The following ZNF185 variants were observed in gnomAD, a reference collection of about 807,000 sequenced individuals.
ZNF185 encodes the protein zinc finger protein 185.
A neutral mutation model predicts 58.6 loss-of-function variants in ZNF185; 56 were observed. The ratio of observed to expected loss-of-function variants is 0.95; its 90% CI spans 0.77 to 1.19. The LOEUF (loss-of-function observed/expected upper bound fraction) is 1.19, where lower values mean the gene tolerates loss of function less well. Among genes scored for constraint, ZNF185 ranks in the 50% most tolerant of loss-of-function variants. ZNF185 has a pLI of 0.00. For synonymous variants in ZNF185, 230 were observed against 215.9 expected (o/e 1.07, Z -0.57); for missense variants, 627 against 573.5 (o/e 1.09, Z -0.95).
At chrX:152,970,091 A>G (rs1390702907) in intron 21 of ZNF185, among the ~76,000 whole-genome samples, 2 of 110,933 alleles carry the variant, frequency 1.8e-5, no homozygotes, top group African/African-American at 6.6e-5. Context: ...AAGTGCTGCA[A>G]TGCAGAACAT....
chrX:152,961,807 TTTA>T (rs782620048), intron 17 of ZNF185, among the ~76,000 whole-genome samples: 17 of 112,067 alleles, frequency 1.5e-4, no homozygotes, highest in Non-Finnish European at 3.2e-4. Context: ...AGGAGGTGCT[TTTA>T]TTATGGAGAA....
exon 6 of ZNF185, chrX:152,918,130 T>C: frequency 8.4e-7 from 1 of 1,195,817 alleles, no homozygotes; most frequent in Non-Finnish European, 1.1e-6. Flanking sequence ...GGCTACAAGA[T>C]GACCACTGAG....
At position 152,937,012 on chromosome X, in the gene ZNF185, C is replaced by T. The variant is rs782408216; in HGVS notation, c.1122-1062C>T. Among the ~76,000 whole-genome samples, 46 of 112,056 alleles carry T rather than the reference C, an allele frequency of 4.1e-4. 1 individual carries two copies. The highest frequency in any genetic ancestry group is 1.4e-3 in the African/African-American group (43 of 30,828). On this transcript the variant is annotated intron_variant, in intron 14 of 22. Transcript: ENST00000449285. ...AAGCTGTGCATTCCCATGCTGTAAG[C>T]GTCTGCCCTGTTTCACCCACCAATC...
chrX:152,921,382 G>A (rs1393590833), intron 9 of ZNF185, among the ~76,000 whole-genome samples: 1 of 111,209 alleles, frequency 9.0e-6, no homozygotes, highest in Non-Finnish European at 1.9e-5. Flanking sequence ...AAACCCAAGA[G>A]AAGACAGCAT....
Position 152,918,125 on chromosome X carries a change from C to A in ZNF185, c.402C>A (p.Tyr134Ter). The A allele has an allele frequency of 8.4e-7, 1 of 1,196,231 alleles. No homozygotes were observed. The highest frequency in any genetic ancestry group is 1.1e-6 in the Non-Finnish European group (1 of 887,505). Residue 134 changes from tyrosine (Y) to a stop codon, truncating the protein, a stop_gained, in exon 6 of 23, where the codon TAC becomes TAA. Transcript: ENST00000449285. LOFTEE classifies it high-confidence loss of function. ...CTCCCCGCCCCTCCTCCTCTGGCTACAAGATGACCACTGAGGATTACAAGA... is the reference window on the plus strand; with the variant it reads ...CTCCCCGCCCCTCCTCCTCTGGCTAAAAGATGACCACTGAGGATTACAAGA...
At chrX:152,927,968 C>A (rs1216362199) in intron 11 of ZNF185, among the ~76,000 whole-genome samples, 2 of 112,883 alleles carry the variant, frequency 1.8e-5, no homozygotes, top group Non-Finnish European at 3.8e-5. Context: ...CATGGCCAAG[C>A]CTGCTGGGCG....
chrX:152,948,964 G>C (rs2048035510), intron 16 of ZNF185, among the ~76,000 whole-genome samples: 1 of 111,929 alleles, frequency 8.9e-6, no homozygotes, highest in Non-Finnish European at 1.9e-5. Context: ...CATCCTCCAT[G>C]TAAGAAATGA....
At chrX:152,939,542 G>C (rs1211237537) in intron 15 of ZNF185, among the ~76,000 whole-genome samples, 1 of 111,931 alleles carries the variant, frequency 8.9e-6, no homozygotes, top group African/African-American at 3.3e-5. Flanking sequence ...TCAAGACCCA[G>C]AATCAGTAAC....
exon 17 of ZNF185, chrX:152,959,734 C>G: frequency 8.3e-7 from 1 of 1,211,581 alleles, no homozygotes; most frequent in Non-Finnish European, 1.1e-6. Context: ...GATGTGGCCA[C>G]CAAGGTCGGA....
upstream of ZNF185, among the ~76,000 whole-genome samples, chrX:152,913,510 C>T (rs955784134): frequency 8.9e-6 from 1 of 112,561 alleles, no homozygotes; most frequent in Non-Finnish European, 1.9e-5. Flanking sequence ...TGAGCAGCAC[C>T]GGGCTCAGGG....
intron 14 of ZNF185, 136 bp from the exon 16 acceptor site, chrX:152,936,282 A>G: frequency 2.0e-6 from 1 of 497,224 alleles, no homozygotes; most frequent in Non-Finnish European, 3.3e-6. Flanking sequence ...AGATATAAAT[A>G]TTGTTCCTCA....
At chrX:152,955,580 A>G (rs2048736380) in intron 16 of ZNF185, among the ~76,000 whole-genome samples, 1 of 112,782 alleles carries the variant, frequency 8.9e-6, no homozygotes, top group Non-Finnish European at 1.9e-5. Context: ...AGCTCAGTAC[A>G]CAACAATGGC....
intron 15 of ZNF185, among the ~76,000 whole-genome samples, chrX:152,943,567 G>A (rs939367742): frequency 4.4e-5 from 5 of 112,706 alleles, no homozygotes; most frequent in African/African-American, 1.6e-4. Flanking sequence ...GTCCAGCAGA[G>A]CTTCCTGTGA....
chrX:152,903,217 C>T, the ZNF185 span, among the ~76,000 whole-genome samples: 6 of 107,892 alleles, frequency 5.6e-5, no homozygotes, highest in African/African-American at 2.0e-4. Context: ...GGTGAAACCC[C>T]GTCTCTATCA....
rs782143273 is a variant in ZNF185, at chrX:152,928,940, G to C, written c.917+279G>C. On this transcript the variant is annotated intron_variant, in intron 12 of 22. Coordinates refer to ENST00000449285, the Ensembl canonical transcript of ZNF185. ...TGGCTGGAATTGCCATCTGCCTGGT[G>C]GGGGAGGCAGACGCCGACATGAGCA... 1.3e-4 allele frequency among the ~76,000 whole-genome samples: 15 copies of C among 113,140 alleles called. No individual in the cohort carries two copies. The East Asian group carries it at 4.2e-3, about 32-fold the overall frequency.
chrX:152,961,338 C>T (rs2049446306), intron 17 of ZNF185, among the ~76,000 whole-genome samples: 1 of 112,253 alleles, frequency 8.9e-6, no homozygotes, highest in Admixed American at 9.4e-5. Context: ...TTGCATTCCT[C>T]AGCCTGGCTC....
At chrX:152,909,394 T>G in the ZNF185 span, among the ~76,000 whole-genome samples, 1 of 112,377 alleles carries the variant, frequency 8.9e-6, no homozygotes, top group African/African-American at 3.2e-5. Flanking sequence ...AGCAGGGAGT[T>G]GTCCTTGCCC....
intron 3 of ZNF185, among the ~76,000 whole-genome samples, chrX:152,916,117 A>T (rs1163005460): frequency 8.9e-6 from 1 of 111,783 alleles, no homozygotes; most frequent in Admixed American, 9.4e-5. Context: ...ACCCTAGTAA[A>T]CAGTTCAATA....
At chrX:152,934,048 G>T (rs1331482882) in intron 14 of ZNF185, among the ~76,000 whole-genome samples, 4 of 112,919 alleles carry the variant, frequency 3.5e-5, no homozygotes, top group Non-Finnish European at 7.5e-5. Context: ...GGAGGACTCC[G>T]CTAGAGCCCT....
Sources: gnomAD v4.1 joint callset for allele counts (sites outside exome capture counted in the v4.1 genomes callset) on GRCh38, gnomAD v4.1.1 for gene constraint, MANE v1.5 for transcripts, NCBI Gene and HGNC (gene_info 2026-07-23, HGNC 2026-07-21) for gene names.